SUN2: variants seen among roughly 807,000 people sequenced by gnomAD.
SUN2 encodes Sad1 and UNC84 domain containing 2, also known as SUN domain-containing protein 2.
SUN2 carries 60 observed loss-of-function variants against 100.0 expected under a neutral mutation model. The ratio of observed to expected loss-of-function variants is 0.60; its 90% confidence interval spans 0.49 to 0.74. The LOEUF (loss-of-function observed/expected upper bound fraction) is 0.74, where lower values mean the gene tolerates loss of function less well. Ranked by LOEUF, SUN2 falls within the 30% of genes least tolerant of loss-of-function variation. The pLI is 0.00. For synonymous variants in SUN2, 367 were observed against 403.3 expected, an observed-to-expected ratio of 0.91 and a Z score of 1.08; for missense variants, 834 against 954.6, an observed-to-expected ratio of 0.87 and a Z score of 1.66.
chr22:38,739,831 C>G lies in SUN2; in HGVS notation c.1469G>C (p.Ser490Thr). ...EMQAQLRELE[S>T]KILTHVAEMQ... ...CTCTGCCACATGGGTGAGGATCTTG[C>G]TCTCCAGCTCTCGCAGCTGAGCTTG... The change falls in exon 13 of 18, where the codon AGC (serine) becomes ACC (threonine). Residue 490 changes from serine (S) to threonine (T), a missense_variant. Coordinates refer to ENST00000689035, the MANE Select transcript of SUN2 (RefSeq NM_015374.3). This position sits in a 1 kb window ranked among gnomAD's most constrained non-coding sequence, Gnocchi z 6.7. 6.2e-7 allele frequency: 1 copy of G among 1,613,614 alleles called. No individual in the cohort carries two copies. The highest frequency in any genetic ancestry group is 8.5e-7 in the Non-Finnish European group (1 of 1,180,022).
At chr22:38,751,585 G>T in intron 2 of SUN2, 1 of 578,292 alleles carries the variant, frequency 1.7e-6, no homozygotes, top group South Asian at 2.2e-5. Context: ...GGCAAGACGG[G>T]CAGCGGCAGC....
At position 38,752,727 on chromosome 22, in the gene SUN2, G is replaced by A; in HGVS notation, c.-37-62C>T. 3.3e-6 allele frequency: 5 copies of A among 1,519,380 alleles called. No individual in the cohort carries two copies. The East Asian group carries it at 1.2e-4, about 36-fold the overall frequency. The allele number at this position is 1,519,380 out of a possible 1,614,324, so 94.1% of individuals were successfully genotyped here. A position where few individuals can be genotyped will look rare whatever the true frequency, so the allele number is the denominator to read the frequency against. On this transcript the variant is annotated intron_variant, in intron 1 of 17. Transcript: ENST00000689035. ...TGGGGCTGTCCCCAGCTCCTCTCTA[G>A]AGGAGGTGGGACAGAGGCATCGCCT...
Position 38,741,509 on chromosome 22 carries a change from G to A in SUN2, c.1131C>T (p.Ile377=), listed in dbSNP as rs370844999. Residue 377 remains isoleucine, a synonymous_variant, in exon 10 of 18, where the codon ATC becomes ATT. Coordinates refer to ENST00000689035, the MANE Select transcript of SUN2 (RefSeq NM_015374.3). ...QQDSEDLFKK[I]VRASQESEAR... ...GCCCGCTGACCTGGGAGGCCCGGAC[G>A]ATCTTCTTGAAGAGGTCTTCTGAGT... The A allele has an allele frequency of 1.4e-5, 23 of 1,613,832 alleles. No individual in the cohort carries two copies. The South Asian group carries it at 1.9e-4, about 13-fold the overall frequency.
Position 38,739,972 on chromosome 22 carries a change from G to A in SUN2, c.1357-29C>T. ...TAGGAACCCAAAGGGGTGTCACCCT[G>A]GGGGGCTTGCAGGGACAGCAGGAGC... On this transcript the variant is annotated intron_variant, in intron 12 of 17. Transcript: ENST00000689035. The surrounding 1 kb of genome is among the most constrained non-coding windows in gnomAD (Gnocchi z 6.7). 2 of 1,599,498 alleles carry A rather than the reference G, an allele frequency of 1.3e-6. No individual in the cohort carries two copies. Among genetic ancestry groups the A allele is most frequent in the Non-Finnish European group, 1.7e-6 (2 of 1,175,344 alleles).
At chr22:38,736,535 CTT>C (rs2092806923) in intron 17 of SUN2, 155 bp from the exon 18 acceptor site, 1 of 567,788 alleles carries the variant, frequency 1.8e-6, no homozygotes, top group African/African-American at 1.9e-5. Flanking sequence ...AAGCTCCTAT[CTT>C]TAGCCTCCTG....
chr22:38,754,977 A>T, intron 1 of SUN2: 1 of 1,289,022 alleles, frequency 7.8e-7, no homozygotes. Context: ...GGGAGCTGAA[A>T]TCTACTACTG....
chr22:38,749,921 C>A, intron 5 of SUN2, 62 bp from the exon 6 acceptor site: 1 of 1,508,218 alleles, frequency 6.6e-7, no homozygotes, highest in South Asian at 1.2e-5. Context: ...GCTCCTTTGT[C>A]CCGTCTGCCG....
In SUN2 at chr22:38,749,093, A is replaced by G. The variant is rs1412005161; in HGVS notation, c.615-310T>C. 1.5e-5 allele frequency: 5 copies of G among 334,632 alleles called. No individual in the cohort carries two copies. In the East Asian group the frequency reaches 2.4e-4, roughly 16 times the overall value. The allele number at this position is 334,632 out of a possible 1,614,324, so 20.7% of individuals were successfully genotyped here. The stretch of plus-strand genomic sequence containing the variant: ...CTCTAAGTATGCAAATATAGAAAAA[A>G]AAAGTAACTCCTTAAATAACAACAA... On this transcript the variant is annotated intron_variant, in intron 6 of 17. Coordinates refer to ENST00000689035, the MANE Select transcript of SUN2 (RefSeq NM_015374.3).
chr22:38,740,145 CCA>C lies in SUN2; in HGVS notation c.1356+120_1356+121del. On this transcript the variant is annotated intron_variant, in intron 12 of 17. Coordinates refer to ENST00000689035, the MANE Select transcript of SUN2 (RefSeq NM_015374.3). This position sits in a 1 kb window ranked among gnomAD's most constrained non-coding sequence, Gnocchi z 4.8. ...GAGCCCACATGTGTCAAGGCCAACGCCACAGTCTCTTGGGCATAACAGAGGCT... is the reference window on the plus strand; with the variant it reads ...GAGCCCACATGTGTCAAGGCCAACGCCAGTCTCTTGGGCATAACAGAGGCT... 7.4e-7 allele frequency: 1 copy of C among 1,353,966 alleles called. No individual in the cohort carries two copies. The highest frequency in any genetic ancestry group is 9.8e-7 in the Non-Finnish European group (1 of 1,020,976). 83.9% of individuals were successfully genotyped at this position (1,353,966 alleles called of 1,614,324 possible).
intron 1 of SUN2, among the ~76,000 whole-genome samples, chr22:38,753,845 G>A (rs2092966278): frequency 6.6e-6 from 1 of 152,212 alleles, no homozygotes; most frequent in African/African-American, 2.4e-5. Flanking sequence ...CTGACAGGCT[G>A]TAGGGCCTGG....
chr22:38,752,652 C>G lies in SUN2; in HGVS notation c.-24G>C, dbSNP rs745683805. 1.9e-6 allele frequency: 3 copies of G among 1,612,030 alleles called. No individual in the cohort carries two copies. The highest frequency in any genetic ancestry group is 2.2e-5 in the East Asian group (1 of 44,852). On this transcript the variant is annotated 5_prime_UTR_variant, in exon 2 of 18. Coordinates refer to ENST00000689035, the MANE Select transcript of SUN2 (RefSeq NM_015374.3). The stretch of plus-strand genomic sequence containing the variant: ...ATGATGAGGTGGGATGTGGACTCTT[C>G]CCCTGAAGAGAATCTAAGGAGAGAG...
Position 38,738,890 on chromosome 22 carries a change from G to A in SUN2, c.1762C>T (p.Pro588Ser). 1 of 1,607,330 alleles carries A rather than the reference G, an allele frequency of 6.2e-7. No individual in the cohort carries two copies. Among genetic ancestry groups the A allele is most frequent in the Non-Finnish European group, 8.5e-7 (1 of 1,175,334 alleles). ...GTGCCCACCTGGAGGATGACTCGGG[G>A]TGACTGGGAGTGGTACCACAGGGGG... ...GIPLWYHSQS[P>S]RVILQPDVHP... Residue 588 changes from proline (P) to serine (S), a missense_variant, in exon 15 of 18, where the codon CCC becomes TCC. By Grantham distance (74) the Pro-to-Ser change is moderately conservative. Transcript: ENST00000689035. The surrounding 1 kb of genome is among the most constrained non-coding windows in gnomAD (Gnocchi z 6.6).
chr22:38,755,234 G>T lies in SUN2; in HGVS notation c.-38+529C>A. The T allele has an allele frequency of 8.5e-7, 1 of 1,180,038 alleles. No individual in the cohort carries two copies. The highest frequency in any genetic ancestry group is 1.1e-6 in the Non-Finnish European group (1 of 938,136). The allele number at this position is 1,180,038 out of a possible 1,614,324, so 73.1% of individuals were successfully genotyped here. The stretch of plus-strand genomic sequence containing the variant: ...CCTTGTGGGACCTGCCAAACGCCCG[G>T]TGCTAACTCCCTCTGCCCTCATTCC... On this transcript the variant is annotated intron_variant, in intron 1 of 17. Transcript: ENST00000689035. The surrounding 1 kb of genome is among the most constrained non-coding windows in gnomAD (Gnocchi z 5.7).
At position 38,741,150 on chromosome 22, in the gene SUN2, C is replaced by T. The variant is rs2092854098; in HGVS notation, c.1147-100G>A. 3 of 1,355,264 alleles carry T rather than the reference C, an allele frequency of 2.2e-6. No individual in the cohort carries two copies. In the East Asian group the frequency reaches 7.5e-5, roughly 34 times the overall value. 84.0% of individuals were successfully genotyped at this position (1,355,264 alleles called of 1,614,324 possible). ...TGTTAGCGTCTTTGCTTAACCACAC[C>T]CCTGCCCAAGGTCTCTTGACCCCTG... On this transcript the variant is annotated intron_variant, in intron 10 of 17. Transcript: ENST00000689035.
Position 38,745,769 on chromosome 22 carries a change from G to A in SUN2, c.728C>T (p.Pro243Leu), listed in dbSNP as rs2092899305. 10 of 1,614,004 alleles carry A rather than the reference G, an allele frequency of 6.2e-6. No individual in the cohort carries two copies. Among genetic ancestry groups the A allele is most frequent in the Non-Finnish European group, 7.6e-6 (9 of 1,180,034 alleles). ...FYPYGLQTFH[P>L]ALVSWWAAKD... ...CGCTGCCCACCAGGAAACCAAAGCA[G>A]GGTGGAATGTCTGCAGCCCATAGGG... is the stretch of plus-strand genomic sequence containing the variant. The change falls in exon 8 of 18, where the codon CCT (proline) becomes CTT (leucine). Residue 243 changes from proline to leucine, a missense_variant. Around this residue, in one of 3 missense-constraint regions of SUN2, gnomAD observed 559 missense variants for 597.7 expected, o/e 0.94. Transcript: ENST00000689035.
intron 1 of SUN2, among the ~76,000 whole-genome samples, chr22:38,753,742 A>T (rs567159345): frequency 6.6e-6 from 1 of 152,104 alleles, no homozygotes; most frequent in South Asian, 2.1e-4. Context: ...CATTACTCCC[A>T]TCTACAAGGG....
At chr22:38,754,922 GAA>G (rs757396861) in intron 1 of SUN2, 8 of 1,289,324 alleles carry the variant, frequency 6.2e-6, no homozygotes, top group Non-Finnish European at 6.1e-6. Context: ...TTCACAAGAT[GAA>G]AAAGGTCGAG....
intron 7 of SUN2, 71 bp downstream of exon 7, chr22:38,748,642 C>G: frequency 6.3e-7 from 1 of 1,578,588 alleles, no homozygotes; most frequent in East Asian, 2.2e-5. Flanking sequence ...CCCTTCCCTG[C>G]CTGCCAAAGG....
rs1214513827 is a variant in SUN2 at position 38,735,232 on chromosome 22, C to T, written c.*1035G>A. 2.0e-5 allele frequency: 9 copies of T among 455,970 alleles called. No individual in the cohort carries two copies. Among genetic ancestry groups the T allele is most frequent in the South Asian group, 1.4e-4 (9 of 64,534 alleles). The allele number at this position is 455,970 out of a possible 1,614,324, so 28.2% of individuals were successfully genotyped here. On this transcript the variant is annotated 3_prime_UTR_variant, in exon 18 of 18. Coordinates refer to ENST00000689035, the MANE Select transcript of SUN2 (RefSeq NM_015374.3). The stretch of plus-strand genomic sequence containing the variant: ...ACCAACTGCCCCACAGAGAACAAAC[C>T]AGAAGGGCGACTACCTGAACAAGAG...
Sources: gnomAD v4.1 joint callset for allele counts (sites outside exome capture counted in the v4.1 genomes callset) on GRCh38, gnomAD v4.1.1 for gene constraint, gnomAD v4.1.1 regional missense constraint, Gnocchi (gnomAD v3.1) non-coding constraint, MANE v1.5 for transcripts, NCBI Gene and HGNC (gene_info 2026-07-23, HGNC 2026-07-21) for gene names.